SLC14A2: variants seen among roughly 807,000 people sequenced by gnomAD.
SLC14A2 encodes the protein solute carrier family 14 member 2.
In SLC14A2, 91 loss-of-function variants were observed where a neutral mutation model predicts 104.6. That is an observed-to-expected ratio of 0.87 (90% CI 0.73 to 1.04). The LOEUF (loss-of-function observed/expected upper bound fraction) is 1.04, where lower values mean the gene tolerates loss of function less well. Among genes scored for constraint, SLC14A2 ranks in the 50% least tolerant of loss-of-function variants. The pLI is 0.00. For synonymous variants in SLC14A2, 476 were observed against 466.4 expected (o/e 1.02, Z -0.27); for missense variants, 1,189 against 1,156.0 (o/e 1.03, Z -0.41).
At chr18:45,613,563 A>C (rs2045008689), upstream of SLC14A2, among the ~76,000 whole-genome samples, 1 of 152,220 alleles carries the variant, frequency 6.6e-6, no homozygotes, top group South Asian at 2.1e-4. Flanking sequence ...TGAACAGTGA[A>C]GTCCAGGCAG....
chr18:45,277,876 A>G (rs1272044911), intron 1 of SLC14A2, among the ~76,000 whole-genome samples: 3 of 152,162 alleles, frequency 2.0e-5, no homozygotes, highest in Non-Finnish European at 4.4e-5. Context: ...CCTTTTTCCT[A>G]CCTTCTGAAC....
At chr18:45,251,745 G>A (rs2084425678) in intron 1 of SLC14A2, among the ~76,000 whole-genome samples, 1 of 152,090 alleles carries the variant, frequency 6.6e-6, no homozygotes, top group Non-Finnish European at 1.5e-5. Flanking sequence ...CTATGCTAAT[G>A]ACCTTGATTT....
At chr18:45,418,137 A>G (rs2086298420) in intron 1 of SLC14A2, among the ~76,000 whole-genome samples, 1 of 152,240 alleles carries the variant, frequency 6.6e-6, no homozygotes, top group East Asian at 1.9e-4. Flanking sequence ...GAAAAGCAAC[A>G]ATATTCATTT....
intron 1 of SLC14A2, among the ~76,000 whole-genome samples, chr18:45,482,037 A>G (rs1230570238): frequency 2.0e-5 from 3 of 152,176 alleles, no homozygotes; most frequent in Non-Finnish European, 4.4e-5. Flanking sequence ...ATTAACCTGA[A>G]CTACAGCCAG....
At chr18:45,548,881 G>A (rs1438608169) in intron 2 of SLC14A2, among the ~76,000 whole-genome samples, 1 of 152,182 alleles carries the variant, frequency 6.6e-6, no homozygotes, top group Non-Finnish European at 1.5e-5. Flanking sequence ...TAATCTAGAT[G>A]CAGCCAAGTG....
chr18:45,191,071 C>G, the SLC14A2 span, among the ~76,000 whole-genome samples: 2 of 152,116 alleles, frequency 1.3e-5, no homozygotes, highest in African/African-American at 4.8e-5. Flanking sequence ...CCCATGGTGT[C>G]CCAGCTGGCA....
chr18:45,339,339 T>A (rs1361767615), intron 1 of SLC14A2, among the ~76,000 whole-genome samples: 1 of 152,178 alleles, frequency 6.6e-6, no homozygotes, highest in Non-Finnish European at 1.5e-5. Flanking sequence ...TAGCCATCAA[T>A]GAAAACATGC....
intron 1 of SLC14A2, among the ~76,000 whole-genome samples, chr18:45,391,660 A>G (rs573239649): frequency 1.1e-4 from 16 of 152,282 alleles, no homozygotes; most frequent in East Asian, 7.7e-4. Flanking sequence ...TTTGATTTGC[A>G]TCTCTCTGAT....
At chr18:45,633,696 A>T (rs533894515) in intron 5 of SLC14A2, among the ~76,000 whole-genome samples, 1 of 152,358 alleles carries the variant, frequency 6.6e-6, no homozygotes, top group South Asian at 2.1e-4. Context: ...ATCAGACAGG[A>T]TGATTTACTT....
At chr18:45,202,263 C>G in the SLC14A2 span, among the ~76,000 whole-genome samples, 2 of 151,968 alleles carry the variant, frequency 1.3e-5, no homozygotes, top group Non-Finnish European at 2.9e-5. Flanking sequence ...GCATGCTGAG[C>G]CTTTGGAAAA....
chr18:45,503,192 T>C (rs73955845), intron 2 of SLC14A2, among the ~76,000 whole-genome samples: 1,617 of 152,312 alleles, frequency 0.011, 23 homozygotes, highest in African/African-American at 0.037. Flanking sequence ...ATAGTATTTT[T>C]GATTGTTGTG....
chr18:45,418,843 G>T (rs1307070955), intron 1 of SLC14A2, among the ~76,000 whole-genome samples: 6 of 151,848 alleles, frequency 4.0e-5, no homozygotes, highest in Non-Finnish European at 7.4e-5. Context: ...TTCCTTCTGA[G>T]GAAAAAAAAG....
chr18:45,667,283 A>T (rs962339716), intron 13 of SLC14A2, among the ~76,000 whole-genome samples, 189 bp downstream of exon 13: 6 of 152,186 alleles, frequency 3.9e-5, no homozygotes, highest in Non-Finnish European at 8.8e-5. Flanking sequence ...TGAACTATAA[A>T]TAGCAATACA....
At chr18:45,234,130 A>G (rs560438022) in intron 1 of SLC14A2, among the ~76,000 whole-genome samples, 2 of 152,234 alleles carry the variant, frequency 1.3e-5, no homozygotes, top group South Asian at 2.1e-4. Context: ...TGATAACTAA[A>G]TTCCTTAACC....
intron 1 of SLC14A2, among the ~76,000 whole-genome samples, chr18:45,367,205 A>G (rs969731495): frequency 1.5e-4 from 23 of 152,230 alleles, no homozygotes; most frequent in Admixed American, 1.4e-3. Context: ...TCATTTTACA[A>G]TTATGAAAAC....
At chr18:45,545,346 C>G (rs894171618) in intron 2 of SLC14A2, among the ~76,000 whole-genome samples, 1 of 152,186 alleles carries the variant, frequency 6.6e-6, no homozygotes, top group African/African-American at 2.4e-5. Context: ...GCTGTAGTCC[C>G]TCCCATTCTC....
At chr18:45,534,813 T>C (rs539896943) in intron 2 of SLC14A2, among the ~76,000 whole-genome samples, 4 of 152,338 alleles carry the variant, frequency 2.6e-5, no homozygotes, top group African/African-American at 4.8e-5. Context: ...AGAGGAGAAC[T>C]AACTAGTTCA....
intron 1 of SLC14A2, among the ~76,000 whole-genome samples, chr18:45,479,780 C>A (rs1402424452): frequency 6.6e-6 from 1 of 152,170 alleles, no homozygotes; most frequent in Admixed American, 6.6e-5. Flanking sequence ...CTGTTCTCCC[C>A]CTGTTTTGGT....
chr18:45,297,797 G>A (rs1192062858), intron 1 of SLC14A2, among the ~76,000 whole-genome samples: 1 of 152,146 alleles, frequency 6.6e-6, no homozygotes, highest in Non-Finnish European at 1.5e-5. Context: ...TCTTTTTCAG[G>A]GTCCAGGTCA....
Sources: gnomAD v4.1 joint callset for allele counts (sites outside exome capture counted in the v4.1 genomes callset) on GRCh38, gnomAD v4.1.1 for gene constraint, MANE v1.5 for transcripts, NCBI Gene and HGNC (gene_info 2026-07-23, HGNC 2026-07-21) for gene names.